ANKS1B: variants seen among roughly 807,000 people sequenced by gnomAD.
The protein encoded by ANKS1B is ankyrin repeat and sterile alpha motif domain containing 1B.
ANKS1B carries 36 observed loss-of-function variants against 148.3 expected under a neutral mutation model. The ratio of observed to expected loss-of-function variants is 0.24; its 90% CI spans 0.19 to 0.32. The LOEUF (loss-of-function observed/expected upper bound fraction) is 0.32, where lower values mean the gene tolerates loss of function less well. Ranked by LOEUF, ANKS1B falls within the 10% of genes least tolerant of loss-of-function variation. ANKS1B has a pLI of 1.00. For synonymous variants in ANKS1B, 542 were observed against 560.8 expected (o/e 0.97, Z 0.47); for missense variants, 1,157 against 1,542.6 (o/e 0.75, Z 4.19).
intron 8 of ANKS1B, among the ~76,000 whole-genome samples, chr12:99,755,765 T>C (rs1228562938): frequency 6.6e-6 from 1 of 151,994 alleles, no homozygotes; most frequent in Non-Finnish European, 1.5e-5. Context: ...CACATAATTA[T>C]CACAATAGAT....
chr12:99,164,301 T>G (rs935174901), intron 14 of ANKS1B, among the ~76,000 whole-genome samples: 4 of 152,190 alleles, frequency 2.6e-5, no homozygotes, highest in Non-Finnish European at 4.4e-5. Context: ...TAATCTGAAG[T>G]TTTAAAATAC....
At chr12:99,405,504 A>C (rs2094510159) in intron 11 of ANKS1B, among the ~76,000 whole-genome samples, 1 of 145,168 alleles carries the variant, frequency 6.9e-6, no homozygotes, top group South Asian at 2.1e-4. Flanking sequence ...AATTATTTGC[A>C]AGCCTTAAGG....
chr12:98,917,159 C>G (rs1272240403), intron 17 of ANKS1B, among the ~76,000 whole-genome samples: 1 of 152,128 alleles, frequency 6.6e-6, no homozygotes, highest in East Asian at 1.9e-4. Context: ...CAGGGTCTCA[C>G]TATGCCACCC....
rs149838945 is a variant in ANKS1B, at chr12:99,222,122, T to C, written c.2419+22220A>G. On this transcript the variant is annotated intron_variant, in intron 14 of 26. Transcript: ENST00000683438. ...ATGTAGAGTATGCTACCATTTTTTA[T>C]ATAGCTTAAAAATGAGAGATAAAGA... 6.9e-4 allele frequency among the ~76,000 whole-genome samples: 105 copies of C among 152,264 alleles called. 1 individual carries two copies. The highest frequency in any genetic ancestry group is 2.4e-3 in the African/African-American group (100 of 41,554).
At chr12:99,810,489 T>C (rs954981938) in intron 3 of ANKS1B, among the ~76,000 whole-genome samples, 3 of 151,932 alleles carry the variant, frequency 2.0e-5, no homozygotes, top group African/African-American at 7.2e-5. Context: ...ATGGGAAAAC[T>C]ATGATCAGCA....
chr12:99,723,664 T>C (rs759294802), intron 8 of ANKS1B, among the ~76,000 whole-genome samples: 10 of 152,052 alleles, frequency 6.6e-5, no homozygotes, highest in Non-Finnish European at 1.2e-4. Context: ...ATTAAACGGG[T>C]CCTGCTCCCT....
intron 10 of ANKS1B, among the ~76,000 whole-genome samples, chr12:99,491,064 A>T (rs112112339): frequency 0.039 from 5,988 of 152,216 alleles, 170 homozygotes; most frequent in South Asian, 0.084. Flanking sequence ...ACGCCTGTAA[A>T]CCCAGCACTT....
intron 8 of ANKS1B, among the ~76,000 whole-genome samples, chr12:99,670,483 T>C (rs1181549752): frequency 1.3e-5 from 2 of 152,094 alleles, no homozygotes; most frequent in African/African-American, 4.8e-5. Flanking sequence ...TTATGCCCAA[T>C]ATTTCAAATA....
intron 16 of ANKS1B, among the ~76,000 whole-genome samples, chr12:99,058,421 T>C (rs35305657): frequency 6.6e-6 from 1 of 151,916 alleles, no homozygotes; most frequent in Non-Finnish European, 1.5e-5. Context: ...TTTTCTTTTG[T>C]ATTTTTAGTT....
chr12:99,309,481 G>T (rs940992842), intron 12 of ANKS1B, among the ~76,000 whole-genome samples: 1 of 151,694 alleles, frequency 6.6e-6, no homozygotes, highest in Admixed American at 6.6e-5. Context: ...AGTCATGCTT[G>T]CCAAGGATTT....
intron 10 of ANKS1B, among the ~76,000 whole-genome samples, chr12:99,455,646 C>T (rs2095835991): frequency 6.6e-6 from 1 of 152,068 alleles, no homozygotes; most frequent in African/African-American, 2.4e-5. Flanking sequence ...TGGCTGCTGG[C>T]TTTCCACCAC....
intron 17 of ANKS1B, among the ~76,000 whole-genome samples, chr12:98,912,842 C>T (rs574452110): frequency 7.6e-4 from 116 of 152,258 alleles, no homozygotes; most frequent in African/African-American, 2.3e-3. Context: ...TTAAATGACC[C>T]GGACTTAATT....
At chr12:99,860,833 A>G (rs1279463396) in intron 1 of ANKS1B, among the ~76,000 whole-genome samples, 1 of 152,230 alleles carries the variant, frequency 6.6e-6, no homozygotes, top group Non-Finnish European at 1.5e-5. Context: ...AAGCCACTGT[A>G]GCTGAGGTAC....
chr12:99,295,306 A>AT (rs1328047902), intron 12 of ANKS1B, among the ~76,000 whole-genome samples: 2 of 152,090 alleles, frequency 1.3e-5, no homozygotes, highest in African/African-American at 4.8e-5. Flanking sequence ...GATAGGAAGT[A>AT]TTTTTTTTCA....
intron 1 of ANKS1B, among the ~76,000 whole-genome samples, chr12:99,840,763 C>T (rs1052767426): frequency 3.3e-5 from 5 of 152,050 alleles, no homozygotes; most frequent in African/African-American, 1.2e-4. Flanking sequence ...GTATAATAAT[C>T]ATGTATCTCT....
In ANKS1B at chr12:98,958,918, CTTGA is replaced by C. The variant is rs2099866760; in HGVS notation, c.2778+94235_2778+94238del. Among the ~76,000 whole-genome samples, 8 of 152,220 alleles carry C rather than the reference CTTGA, an allele frequency of 5.3e-5. No homozygotes were observed. In the South Asian group the frequency reaches 1.7e-3, roughly 32 times the overall value. ...AAATTGTATCACGTAGGGAGACTAT[CTTGA>C]TTATGAAGCTTTATTAGGTGATGAT... On this transcript the variant is annotated intron_variant, in intron 17 of 26. Coordinates refer to ENST00000683438, the MANE Select transcript of ANKS1B (RefSeq NM_001352186.2).
chr12:99,385,727 A>T (rs545978014), intron 12 of ANKS1B, among the ~76,000 whole-genome samples: 1 of 152,326 alleles, frequency 6.6e-6, no homozygotes, highest in South Asian at 2.1e-4. Context: ...ACCCAGCTGC[A>T]TATCAATGGC....
intron 17 of ANKS1B, among the ~76,000 whole-genome samples, chr12:98,962,551 T>G (rs2099873255): frequency 6.6e-6 from 1 of 151,766 alleles, no homozygotes; most frequent in Non-Finnish European, 1.5e-5. Flanking sequence ...AGACAGAAAA[T>G]CAACAAAGAA....
rs2074539650 is a variant in ANKS1B at position 99,150,515 on chromosome 12, GAAGGA to G, written c.2526+3769_2526+3773del. Among the ~76,000 whole-genome samples, 6 of 152,206 alleles carry G rather than the reference GAAGGA, an allele frequency of 3.9e-5. No individual in the cohort carries two copies. The South Asian group carries it at 1.2e-3, about 32-fold the overall frequency. On this transcript the variant is annotated intron_variant, in intron 15 of 26. Transcript: ENST00000683438. ...ACCTTTGAGGATAAAAGACAGCAGG[GAAGGA>G]AAGGAAATGTCTGTCCAGGAGGAGC...
Sources: allele counts gnomAD v4.1 joint callset (sites outside exome capture counted in the v4.1 genomes callset), GRCh38; gene constraint gnomAD v4.1.1; transcripts MANE v1.5; gene names NCBI Gene and HGNC (gene_info 2026-07-23, HGNC 2026-07-21).